The following GASK1B variants were observed in gnomAD, a reference collection of about 807,000 sequenced individuals.
GASK1B encodes the protein golgi associated kinase 1B.
In GASK1B, 34 loss-of-function variants were observed where a neutral mutation model predicts 42.8. The ratio of observed to expected loss-of-function variants is 0.79; its 90% CI spans 0.60 to 1.06. GASK1B has a LOEUF of 1.06. Ranked by LOEUF, GASK1B falls within the 50% of genes least tolerant of loss-of-function variation. GASK1B has a pLI of 0.00. For synonymous variants in GASK1B, 262 were observed against 259.1 expected (o/e 1.01, Z -0.11); for missense variants, 686 against 661.0 (o/e 1.04, Z -0.42).
intron 3 of GASK1B, among the ~76,000 whole-genome samples, chr4:158,141,065 A>G (rs1322505840): frequency 6.6e-6 from 1 of 152,124 alleles, no homozygotes; most frequent in Admixed American, 6.5e-5. Context: ...AAGAGCAAAG[A>G]CTTATGTTCA....
chr4:158,158,139 T>C (rs186262875), intron 2 of GASK1B, among the ~76,000 whole-genome samples: 1 of 152,272 alleles, frequency 6.6e-6, no homozygotes, highest in East Asian at 1.9e-4. Context: ...ATGTAACCTT[T>C]TTAAACCTTG....
At chr4:158,170,021 A>T in intron 2 of GASK1B, 1 of 568,892 alleles carries the variant, frequency 1.8e-6, no homozygotes, top group Non-Finnish European at 3.1e-6. Flanking sequence ...AGAAGATTCC[A>T]TCTGCTCAAG....
At chr4:158,149,777 A>G (rs1731476481) in intron 3 of GASK1B, among the ~76,000 whole-genome samples, 1 of 152,086 alleles carries the variant, frequency 6.6e-6, no homozygotes, top group Non-Finnish European at 1.5e-5. Flanking sequence ...TTATACAACT[A>G]TGGCTAAAAA....
intron 3 of GASK1B, 52 bp downstream of exon 3, chr4:158,155,559 T>C (rs1731724065): frequency 1.4e-6 from 2 of 1,468,196 alleles, no homozygotes; most frequent in African/African-American, 1.4e-5. Context: ...GTCAGGCTAA[T>C]ATAACTCAGC....
chr4:158,164,926 A>T (rs187702256), intron 2 of GASK1B, among the ~76,000 whole-genome samples: 2 of 152,232 alleles, frequency 1.3e-5, no homozygotes, highest in African/African-American at 2.4e-5. Flanking sequence ...AAGAGGCAAT[A>T]CAAGTTGGAA....
chr4:158,158,591 T>C lies in GASK1B; in HGVS notation c.911-2766A>G, dbSNP rs1390573980. ...TTATTTTTAAATAGTACCACTTTAA[T>C]TGTAATGCAATAATCTAGCCCAGTG... On this transcript the variant is annotated intron_variant, in intron 2 of 4. Coordinates refer to ENST00000585682, the MANE Select transcript of GASK1B (RefSeq NM_001128424.2). Among the ~76,000 whole-genome samples, 6 of 152,142 alleles carry C rather than the reference T, an allele frequency of 3.9e-5. No individual in the cohort carries two copies. The South Asian group carries it at 6.2e-4, about 16-fold the overall frequency.
Position 158,126,547 on chromosome 4 carries a change from A to G in GASK1B, c.*860T>C, listed in dbSNP as rs1357844348. 6.6e-6 allele frequency: 1 copy of G among 152,144 alleles called. No individual in the cohort carries two copies. Among genetic ancestry groups the G allele is most frequent in the African/African-American group, 2.4e-5 (1 of 41,452 alleles). The allele number at this position is 152,144 out of a possible 1,614,324, so 9.4% of individuals were successfully genotyped here. ...ACTATTATTAATAAAATATACATAAATTATATTACATTGTTGGTAAAAGTA... is the reference window on the plus strand; with the variant it reads ...ACTATTATTAATAAAATATACATAAGTTATATTACATTGTTGGTAAAAGTA... On this transcript the variant is annotated 3_prime_UTR_variant, in exon 5 of 5. Coordinates refer to ENST00000585682, the MANE Select transcript of GASK1B (RefSeq NM_001128424.2).
In GASK1B at chr4:158,170,044, C is replaced by T. The variant is rs1732404466; in HGVS notation, c.910+422G>A. The T allele has an allele frequency of 5.8e-5, 35 of 604,884 alleles. No homozygotes were observed. The East Asian group carries it at 9.5e-4, about 16-fold the overall frequency. 37.5% of individuals were successfully genotyped at this position (604,884 alleles called of 1,614,324 possible). On this transcript the variant is annotated intron_variant, in intron 2 of 4. Transcript: ENST00000585682. ...CCATCTGCTCAAGAACGATAACCCG[C>T]TTCCCCCTTACTTTTAAAAACTTCT...
intron 3 of GASK1B, among the ~76,000 whole-genome samples, chr4:158,137,459 A>G (rs1338824394): frequency 6.6e-6 from 1 of 152,216 alleles, no homozygotes; most frequent in Non-Finnish European, 1.5e-5. Context: ...ATGCAAAAAC[A>G]CATGGACTTA....
chr4:158,134,137 T>C (rs909673770), intron 3 of GASK1B, among the ~76,000 whole-genome samples: 1 of 152,216 alleles, frequency 6.6e-6, no homozygotes, highest in East Asian at 1.9e-4. Context: ...TCATATTCAA[T>C]ATACCAAAAA....
At chr4:158,128,860 AG>A (rs1730560100) in intron 4 of GASK1B, among the ~76,000 whole-genome samples, 1 of 152,230 alleles carries the variant, frequency 6.6e-6, no homozygotes, top group Non-Finnish European at 1.5e-5. Context: ...CCTCAACTTT[AG>A]GGGCTCTAGT....
At chr4:158,150,216 C>T (rs1289948123) in intron 3 of GASK1B, among the ~76,000 whole-genome samples, 4 of 152,180 alleles carry the variant, frequency 2.6e-5, no homozygotes, top group East Asian at 1.9e-4. Context: ...TAAGCCACCG[C>T]GCTCGGCCTC....
Position 158,127,266 on chromosome 4 carries a change from C to T in GASK1B, c.*141G>A, listed in dbSNP as rs1175685945. The T allele has an allele frequency of 5.9e-6, 4 of 681,388 alleles. No homozygotes were observed. The highest frequency in any genetic ancestry group is 1.0e-5 in the Non-Finnish European group (4 of 394,976). The allele number at this position is 681,388 out of a possible 1,614,324, so 42.2% of individuals were successfully genotyped here. A position where few individuals can be genotyped will look rare whatever the true frequency, so the allele number is the denominator to read the frequency against. The stretch of plus-strand genomic sequence containing the variant: ...CATACAGTGCTAAGTCCCATTATAG[C>T]TACTTGGTTAAAGTCATTTATTTTA... On this transcript the variant is annotated 3_prime_UTR_variant, in exon 5 of 5. Transcript: ENST00000585682.
chr4:158,147,020 G>A (rs1731355437), intron 3 of GASK1B, among the ~76,000 whole-genome samples: 1 of 152,152 alleles, frequency 6.6e-6, no homozygotes, highest in African/African-American at 2.4e-5. Flanking sequence ...TTAACAACTG[G>A]GTTCTGTATT....
intron 3 of GASK1B, among the ~76,000 whole-genome samples, chr4:158,152,159 G>C (rs1005880252): frequency 7.9e-5 from 12 of 152,178 alleles, no homozygotes; most frequent in Non-Finnish European, 1.2e-4. Context: ...CAGACTGAAT[G>C]CTGCACTGTC....
chr4:158,138,087 G>A (rs34136936), intron 3 of GASK1B, among the ~76,000 whole-genome samples: 2,567 of 152,102 alleles, frequency 0.017, 33 homozygotes, highest in South Asian at 0.052. Context: ...ATTTCTTTAC[G>A]TATAAGTAAA....
Position 158,171,247 on chromosome 4 carries a change from C to G in GASK1B, c.129G>C (p.Ala43=), listed in dbSNP as rs761180061. ...RTRRNLLLGT[A]CAIYLGFLVS... is the part of the protein sequence containing the mutation. ...CCAGGAAGCCCAAGTAGATGGCACACGCAGTGCCCAGCAGAAGGTTTCTCC... is the reference window on the plus strand; with the variant it reads ...CCAGGAAGCCCAAGTAGATGGCACAGGCAGTGCCCAGCAGAAGGTTTCTCC... Residue 43 remains alanine (A), a synonymous_variant, in exon 2 of 5, where the codon GCG becomes GCC. Coordinates refer to ENST00000585682, the MANE Select transcript of GASK1B (RefSeq NM_001128424.2). The G allele has an allele frequency of 3.7e-6, 6 of 1,614,040 alleles. No homozygotes were observed. The Middle Eastern group carries it at 5.0e-4, about 133-fold the overall frequency.
intron 2 of GASK1B, 132 bp downstream of exon 2, chr4:158,170,334 C>G (rs1430182696): frequency 1.9e-6 from 3 of 1,614,052 alleles, no homozygotes; most frequent in Non-Finnish European, 2.5e-6. Context: ...TGGAAAGACA[C>G]GCTGCTGCTG....
At chr4:158,149,071 G>C (rs1026619951) in intron 3 of GASK1B, among the ~76,000 whole-genome samples, 1 of 152,108 alleles carries the variant, frequency 6.6e-6, no homozygotes, top group East Asian at 1.9e-4. Context: ...TATAAGAACA[G>C]TACCAATCTT....
Sources: gnomAD v4.1 joint callset for allele counts (sites outside exome capture counted in the v4.1 genomes callset) on GRCh38, gnomAD v4.1.1 for gene constraint, MANE v1.5 for transcripts, NCBI Gene and HGNC (gene_info 2026-07-23, HGNC 2026-07-21) for gene names.